The following ACTR3C variants were observed in gnomAD, a reference collection of about 807,000 sequenced individuals.
The protein encoded by ACTR3C is actin related protein 3C.
ACTR3C carries 18 observed loss-of-function variants against 26.3 expected under a neutral mutation model. That is an observed-to-expected ratio of 0.68 (90% CI 0.47 to 1.01). The LOEUF is 1.01. ACTR3C is among the 50% of genes least tolerant of loss of function. ACTR3C has a pLI of 0.00. For missense variants in ACTR3C, 184 were observed against 250.7 expected (o/e 0.73, Z 1.80); for synonymous variants, 55 against 94.5 (o/e 0.58, Z 2.42).
At chr7:150,157,358 T>C in the ACTR3C span, among the ~76,000 whole-genome samples, 1 of 150,958 alleles carries the variant, frequency 6.6e-6, no homozygotes, top group East Asian at 2.0e-4. Context: ...ACATGAATAA[T>C]TTCTACACTT....
At chr7:150,018,901 T>A in the ACTR3C span, among the ~76,000 whole-genome samples, 1 of 121,708 alleles carries the variant, frequency 8.2e-6, no homozygotes, top group South Asian at 2.8e-4. Context: ...AGTTTAGCAA[T>A]GCCTTAAAAT....
At chr7:150,034,630 A>AGGGTCCG in the ACTR3C span, among the ~76,000 whole-genome samples, 5 of 151,206 alleles carry the variant, frequency 3.3e-5, no homozygotes, top group South Asian at 8.4e-4. Context: ...TCTGTTCCCG[A>AGGGTCCG]GCTGCCTTCG....
chr7:149,899,847 C>CA, the ACTR3C span, among the ~76,000 whole-genome samples: 16,371 of 130,062 alleles, frequency 0.13, 459 homozygotes, highest in East Asian at 0.29. Context: ...CAAAACAAAA[C>CA]AAAAAAAATC....
chr7:149,978,522 A>G, the ACTR3C span, among the ~76,000 whole-genome samples: 1 of 151,890 alleles, frequency 6.6e-6, no homozygotes, highest in Non-Finnish European at 1.5e-5. Context: ...GTCTACCTAA[A>G]AGCTAATATG....
the ACTR3C span, among the ~76,000 whole-genome samples, chr7:150,025,984 C>G: frequency 6.6e-6 from 1 of 152,100 alleles, no homozygotes; most frequent in Non-Finnish European, 1.5e-5. Flanking sequence ...CGGAGGGTCA[C>G]TCCATCTCTC....
At chr7:150,072,559 A>AGGACGCCT in the ACTR3C span, among the ~76,000 whole-genome samples, 7 of 144,494 alleles carry the variant, frequency 4.8e-5, no homozygotes, top group African/African-American at 1.8e-4. Flanking sequence ...GTGGGGACCC[A>AGGACGCCT]GGACGCCTGG....
the ACTR3C span, among the ~76,000 whole-genome samples, chr7:149,993,883 G>A: frequency 2.6e-5 from 4 of 152,174 alleles, no homozygotes; most frequent in Admixed American, 6.5e-5. Context: ...AAATCCGATC[G>A]CATGTTGAGT....
At chr7:150,038,040 G>C in the ACTR3C span, among the ~76,000 whole-genome samples, 1 of 140,038 alleles carries the variant, frequency 7.1e-6, no homozygotes, top group African/African-American at 2.7e-5. Flanking sequence ...CAAGAGCCAT[G>C]GGGGGAAGAG....
At chr7:150,003,244 ATTTGTGTGTGTGG>A in the ACTR3C span, among the ~76,000 whole-genome samples, 1 of 151,978 alleles carries the variant, frequency 6.6e-6, no homozygotes, top group Non-Finnish European at 1.5e-5. Flanking sequence ...TGGTGTTTGC[ATTTGTGTGTGTGG>A]TTTGTGTGTG....
chr7:150,306,569 G>A (rs935046002), intron 1 of ACTR3C, among the ~76,000 whole-genome samples: 26 of 152,346 alleles, frequency 1.7e-4, no homozygotes, highest in South Asian at 4.1e-4. Flanking sequence ...ACTGTGGGCC[G>A]GGTATGGTGG....
At chr7:150,153,239 A>C in the ACTR3C span, among the ~76,000 whole-genome samples, 1 of 152,210 alleles carries the variant, frequency 6.6e-6, no homozygotes, top group Non-Finnish European at 1.5e-5. Flanking sequence ...AATGAAACTA[A>C]ACAGCTTCTG....
At chr7:150,180,775 G>C in the ACTR3C span, among the ~76,000 whole-genome samples, 62,675 of 141,920 alleles carry the variant, frequency 0.44, 11,247 homozygotes, top group East Asian at 0.66. Context: ...CTCCAAAAGT[G>C]CTGGGATTAC....
the ACTR3C span, among the ~76,000 whole-genome samples, chr7:150,005,524 C>T: frequency 1.7e-4 from 26 of 152,054 alleles, no homozygotes; most frequent in South Asian, 4.8e-3. Flanking sequence ...CACCTCCTTG[C>T]GTTACTGACC....
the ACTR3C span, among the ~76,000 whole-genome samples, chr7:150,217,034 C>T: frequency 6.8e-6 from 1 of 147,950 alleles, no homozygotes; most frequent in East Asian, 1.9e-4. Flanking sequence ...AAGCACATGC[C>T]TCCCCTTAAT....
At chr7:149,907,483 TCTCTCTCTCTC>T in the ACTR3C span, among the ~76,000 whole-genome samples, 3 of 43,852 alleles carry the variant, frequency 6.8e-5, no homozygotes, top group African/African-American at 1.4e-4. Context: ...TTCTCTTCTC[TCTCTCTCTCTC>T]TCTCTCTCTC....
At chr7:150,225,057 G>A in the ACTR3C span, among the ~76,000 whole-genome samples, 5 of 151,180 alleles carry the variant, frequency 3.3e-5, no homozygotes, top group African/African-American at 7.3e-5. Flanking sequence ...TTGCCTGCAC[G>A]AGCATGCGAT....
At chr7:149,944,212 C>T in the ACTR3C span, among the ~76,000 whole-genome samples, 18 of 152,070 alleles carry the variant, frequency 1.2e-4, no homozygotes, top group African/African-American at 4.4e-4. Context: ...TCCTGGATTA[C>T]CTGAGCTATG....
chr7:150,200,522 A>G, the ACTR3C span, among the ~76,000 whole-genome samples: 1 of 152,244 alleles, frequency 6.6e-6, no homozygotes, highest in Non-Finnish European at 1.5e-5. Flanking sequence ...ATAAGTGTTT[A>G]ATGTTCACTA....
chr7:150,163,669 C>T, the ACTR3C span, among the ~76,000 whole-genome samples: 3 of 151,926 alleles, frequency 2.0e-5, no homozygotes, highest in Admixed American at 2.0e-4. Flanking sequence ...TGGTATAATT[C>T]AGTATGAGTC....
Sources: gnomAD v4.1 joint callset for allele counts (sites outside exome capture counted in the v4.1 genomes callset) on GRCh38, gnomAD v4.1.1 for gene constraint, MANE v1.5 for transcripts, NCBI Gene and HGNC (gene_info 2026-07-23, HGNC 2026-07-21) for gene names.